PYY: variants seen among roughly 807,000 people sequenced by gnomAD.
The protein encoded by PYY is peptide tyrosine tyrosine.
PYY carries 12 observed loss-of-function variants against 10.3 expected under a neutral mutation model. The observed-to-expected ratio is 1.17, with a 90% confidence interval of 0.75 to 1.89. The LOEUF is 1.89. Ranked by LOEUF, PYY falls within the 40% of genes most tolerant of loss-of-function variation. The pLI, the probability that PYY is intolerant of heterozygous loss-of-function variation, is 0.00. For missense variants in PYY, 141 were observed against 134.0 expected, an observed-to-expected ratio of 1.05 and a Z score of -0.26; for synonymous variants, 66 against 62.0, an observed-to-expected ratio of 1.06 and a Z score of -0.30.
intron 1 of PYY, among the ~76,000 whole-genome samples, chr17:43,975,631 A>G (rs762400524): frequency 1.3e-5 from 2 of 151,336 alleles, no homozygotes; most frequent in South Asian, 2.1e-4. Context: ...AGGCGGGACA[A>G]TCACCTGAGC....
intron 1 of PYY, among the ~76,000 whole-genome samples, chr17:43,972,518 C>G (rs1053454295): frequency 2.3e-5 from 3 of 132,280 alleles, no homozygotes; most frequent in Non-Finnish European, 3.1e-5. Flanking sequence ...ACCCGGCCAA[C>G]TTTATGTTAC....
At chr17:43,954,285 C>T (rs1275651060), upstream of PYY, among the ~76,000 whole-genome samples, 1 of 152,168 alleles carries the variant, frequency 6.6e-6, no homozygotes, top group East Asian at 1.9e-4. Context: ...TCTGTCTTCC[C>T]TAGCCTGTCC....
At chr17:43,964,568 T>C (rs1597846259) in intron 2 of PYY, among the ~76,000 whole-genome samples, 2 of 152,280 alleles carry the variant, frequency 1.3e-5, no homozygotes, top group East Asian at 3.9e-4. Flanking sequence ...CTGACCAACA[T>C]GGAGAAACCC....
At position 43,962,041 on chromosome 17, in the gene PYY, T is replaced by C. The variant is rs201742644; in HGVS notation, c.-217-4013A>G. On this transcript the variant is annotated intron_variant, in intron 2 of 6. Coordinates refer to the PYY transcript ENST00000360085. The stretch of plus-strand genomic sequence containing the variant: ...TCAGTCTTAGGAAAGAGACCATAAA[T>C]TGTTCCCCAGTACCTATTTTCCCCT... 1.3e-4 allele frequency among the ~76,000 whole-genome samples: 20 copies of C among 152,276 alleles called. No homozygotes were observed. The East Asian group carries it at 3.7e-3, about 28-fold the overall frequency.
intron 1 of PYY, among the ~76,000 whole-genome samples, chr17:43,970,845 T>C (rs537596940): frequency 6.6e-6 from 1 of 152,346 alleles, no homozygotes; most frequent in East Asian, 1.9e-4. Context: ...GAGACAGGCT[T>C]TGTCCACTCC....
chr17:43,986,759 C>A (rs904798586), intron 1 of PYY, among the ~76,000 whole-genome samples: 1 of 152,212 alleles, frequency 6.6e-6, no homozygotes, highest in African/African-American at 2.4e-5. Context: ...GTCAGCGCAG[C>A]CTGCGTGTTC....
intron 1 of PYY, among the ~76,000 whole-genome samples, chr17:43,970,831 T>C (rs998751302): frequency 6.6e-6 from 1 of 152,226 alleles, no homozygotes; most frequent in Non-Finnish European, 1.5e-5. Flanking sequence ...GTATGTGACT[T>C]ATTGAGACAG....
At chr17:43,979,684 GA>G (rs1048721705) in intron 1 of PYY, among the ~76,000 whole-genome samples, 10 of 147,366 alleles carry the variant, frequency 6.8e-5, no homozygotes, top group Non-Finnish European at 1.2e-4. Context: ...TCAAACAACA[GA>G]AAAAAAAATT....
rs533381147 is a variant in PYY at position 43,986,764 on chromosome 17, G to A, written c.-463+17627C>T. Among the ~76,000 whole-genome samples, 6 of 152,296 alleles carry A rather than the reference G, an allele frequency of 3.9e-5. No homozygotes were observed. The East Asian group carries it at 5.8e-4, about 15-fold the overall frequency. ...AGGAGCCACCGTCAGCGCAGCCTGC[G>A]TGTTCCTGCCCTCTGCCCACATACC... On this transcript the variant is annotated intron_variant, in intron 1 of 6. Transcript: ENST00000360085.
chr17:43,977,743 G>T (rs562330374), intron 1 of PYY, among the ~76,000 whole-genome samples: 2 of 152,210 alleles, frequency 1.3e-5, no homozygotes, highest in East Asian at 1.9e-4. Context: ...TGGAGTTGGG[G>T]CCATTCAGGA....
At chr17:43,963,865 A>T (rs1043559528) in intron 2 of PYY, among the ~76,000 whole-genome samples, 36 of 152,198 alleles carry the variant, frequency 2.4e-4, no homozygotes, top group Admixed American at 2.0e-3. Context: ...AATACAAAAA[A>T]TAGCTGAATA....
chr17:43,958,324 G>A (rs1056912201), upstream of PYY, among the ~76,000 whole-genome samples: 44 of 150,904 alleles, frequency 2.9e-4, no homozygotes, highest in Admixed American at 5.3e-4. Flanking sequence ...GGGATCCTTC[G>A]GCCTCAGCCA....
upstream of PYY, among the ~76,000 whole-genome samples, chr17:43,958,294 TTTA>T (rs1360519394): frequency 1.3e-5 from 2 of 152,108 alleles, no homozygotes; most frequent in South Asian, 4.1e-4. Context: ...AGCCATTCTT[TTTA>T]TTATTATTGA....
intron 1 of PYY, among the ~76,000 whole-genome samples, chr17:43,980,398 A>G (rs2048874998): frequency 1.3e-5 from 2 of 148,662 alleles, no homozygotes; most frequent in African/African-American, 5.0e-5. Flanking sequence ...TCCTGACCTC[A>G]GGTGATACGC....
intron 1 of PYY, among the ~76,000 whole-genome samples, chr17:43,999,405 G>T (rs564617210): frequency 3.0e-4 from 45 of 152,164 alleles, no homozygotes; most frequent in African/African-American, 1.0e-3. Context: ...ACATTTAGTT[G>T]ATCCCAGAGT....
At chr17:44,003,421 C>T (rs2049044207) in intron 1 of PYY, among the ~76,000 whole-genome samples, 2 of 151,984 alleles carry the variant, frequency 1.3e-5, no homozygotes, top group African/African-American at 4.8e-5. Context: ...CTTTGGGAGG[C>T]TGAGGCAGGT....
intron 1 of PYY, among the ~76,000 whole-genome samples, chr17:43,976,283 G>GTATATACACA (rs1456094848): frequency 0.023 from 2,042 of 87,118 alleles, 187 homozygotes; most frequent in Non-Finnish European, 0.028. Flanking sequence ...GTATATATAC[G>GTATATACACA]CATATGTATA....
intron 2 of PYY, among the ~76,000 whole-genome samples, chr17:43,963,009 G>A (rs548574078): frequency 6.6e-6 from 1 of 152,172 alleles, no homozygotes; most frequent in Non-Finnish European, 1.5e-5. Context: ...GATAAAAAGG[G>A]GAGAGAGGAA....
chr17:43,963,582 G>GAAAGAAAGAAAAGA (rs1555617098), intron 2 of PYY, among the ~76,000 whole-genome samples: 61 of 73,850 alleles, frequency 8.3e-4, no homozygotes, highest in African/African-American at 2.8e-3. Context: ...AAGAAAGAAA[G>GAAAGAAAGAAAAGA]AAAGAAAGAA....
Sources: gnomAD v4.1 joint callset for allele counts (sites outside exome capture counted in the v4.1 genomes callset) on GRCh38, gnomAD v4.1.1 for gene constraint, MANE v1.5 for transcripts, NCBI Gene and HGNC (gene_info 2026-07-23, HGNC 2026-07-21) for gene names.